Variants in CDC42SE2 observed in about 807,000 individuals in gnomAD.
CDC42SE2 encodes CDC42 small effector protein 2.
A neutral mutation model predicts 11.5 loss-of-function variants in CDC42SE2; 3 were observed. The ratio of observed to expected loss-of-function variants is 0.26; its 90% CI spans 0.12 to 0.67. CDC42SE2 has a LOEUF of 0.67. Ranked by LOEUF, CDC42SE2 falls within the 30% of genes least tolerant of loss-of-function variation. CDC42SE2 has a pLI of 0.80. For missense variants in CDC42SE2, 82 were observed against 106.8 expected (o/e 0.77, Z 1.02); for synonymous variants, 33 against 34.8 (o/e 0.95, Z 0.18).
the CDC42SE2 span, among the ~76,000 whole-genome samples, chr5:131,214,719 T>A: frequency 2.0e-5 from 3 of 152,012 alleles, no homozygotes; most frequent in African/African-American, 7.2e-5. Context: ...TTGTTCTGAA[T>A]TGAGGCAAGG....
intron 1 of CDC42SE2, among the ~76,000 whole-genome samples, chr5:131,246,648 C>T (rs1210951389): frequency 1.3e-5 from 2 of 151,758 alleles, no homozygotes; most frequent in African/African-American, 2.4e-5. Flanking sequence ...TCTTTAAATA[C>T]GTATGATGGT....
chr5:131,373,822 C>T (rs774392322), intron 3 of CDC42SE2, among the ~76,000 whole-genome samples: 3 of 151,820 alleles, frequency 2.0e-5, no homozygotes, highest in African/African-American at 4.8e-5. Flanking sequence ...AGGAACAAAT[C>T]GATAACAAGA....
chr5:131,358,053 C>G (rs1309252254), intron 2 of CDC42SE2, among the ~76,000 whole-genome samples: 1 of 152,138 alleles, frequency 6.6e-6, no homozygotes, highest in East Asian at 1.9e-4. Context: ...CTTTTTCTAC[C>G]TATGATTTAA....
At chr5:131,284,569 C>T (rs1396230583) in intron 1 of CDC42SE2, among the ~76,000 whole-genome samples, 1 of 152,158 alleles carries the variant, frequency 6.6e-6, no homozygotes, top group Non-Finnish European at 1.5e-5. Context: ...CTCCAGGGCT[C>T]AAGTAAGCCT....
chr5:131,280,870 T>C (rs1011155102), intron 1 of CDC42SE2, among the ~76,000 whole-genome samples: 10 of 152,230 alleles, frequency 6.6e-5, no homozygotes, highest in Non-Finnish European at 1.5e-4. Flanking sequence ...ACCCTTTTTA[T>C]GTGTGAGAAT....
intron 2 of CDC42SE2, among the ~76,000 whole-genome samples, chr5:131,346,570 G>A (rs542201558): frequency 1.6e-4 from 25 of 152,148 alleles, no homozygotes; most frequent in Middle Eastern, 3.4e-3. Context: ...TTTAACACCC[G>A]ACTGTCAGCA....
At chr5:131,355,171 C>T (rs1385463176) in intron 2 of CDC42SE2, among the ~76,000 whole-genome samples, 4 of 152,144 alleles carry the variant, frequency 2.6e-5, no homozygotes, top group Admixed American at 6.5e-5. Context: ...CCTGTATGCT[C>T]TTTATAATAT....
the CDC42SE2 span, among the ~76,000 whole-genome samples, chr5:131,231,433 A>G: frequency 2.0e-5 from 3 of 152,178 alleles, no homozygotes; most frequent in African/African-American, 4.8e-5. Context: ...TGCATAACAA[A>G]TCATGCAAAA....
chr5:131,213,516 G>A, the CDC42SE2 span, among the ~76,000 whole-genome samples: 2 of 152,120 alleles, frequency 1.3e-5, no homozygotes, highest in East Asian at 1.9e-4. Flanking sequence ...TGGCACAGTC[G>A]TGGCTCACTG....
intron 1 of CDC42SE2, among the ~76,000 whole-genome samples, chr5:131,265,135 T>A (rs1377687860): frequency 6.6e-6 from 1 of 152,146 alleles, no homozygotes; most frequent in East Asian, 1.9e-4. Context: ...TTGATATACG[T>A]TTTTTAGTTT....
At chr5:131,251,569 CTA>C (rs1302152684) in intron 1 of CDC42SE2, among the ~76,000 whole-genome samples, 1 of 151,632 alleles carries the variant, frequency 6.6e-6, no homozygotes, top group East Asian at 1.9e-4. Flanking sequence ...GAAAGCAAAA[CTA>C]AAAAAAGAAA....
At chr5:131,322,687 GTTC>G (rs1232397607) in intron 2 of CDC42SE2, among the ~76,000 whole-genome samples, 1 of 152,028 alleles carries the variant, frequency 6.6e-6, no homozygotes, top group East Asian at 1.9e-4. Flanking sequence ...TTGTTTATCT[GTTC>G]TTCTGTTGGT....
chr5:131,339,049 C>T (rs993931646), intron 2 of CDC42SE2, among the ~76,000 whole-genome samples: 7 of 151,748 alleles, frequency 4.6e-5, no homozygotes, highest in African/African-American at 1.4e-4. Flanking sequence ...AGATCGAGAC[C>T]ATACTGGCCA....
intron 2 of CDC42SE2, among the ~76,000 whole-genome samples, chr5:131,257,966 C>T (rs1269601053): frequency 6.6e-6 from 1 of 152,146 alleles, no homozygotes; most frequent in East Asian, 1.9e-4. Context: ...GGGGCTTCCT[C>T]AAGATACGGG....
At chr5:131,355,851 CAAAACTTCATGCAGGTAGG>C (rs1303695154) in intron 2 of CDC42SE2, among the ~76,000 whole-genome samples, 1 of 152,088 alleles carries the variant, frequency 6.6e-6, no homozygotes, top group East Asian at 1.9e-4. Flanking sequence ...TTGTCAGCAG[CAAAACTTCATGCAGGTAGG>C]AGGCTGGTAT....
chr5:131,226,954 C>G, the CDC42SE2 span, among the ~76,000 whole-genome samples: 10 of 152,172 alleles, frequency 6.6e-5, no homozygotes, highest in African/African-American at 2.4e-4. Context: ...CTAAGTAAGA[C>G]TATTTTAGAG....
At chr5:131,378,021 A>G (rs1750206042) in intron 3 of CDC42SE2, among the ~76,000 whole-genome samples, 1 of 152,228 alleles carries the variant, frequency 6.6e-6, no homozygotes. Context: ...CAGAACTCTT[A>G]GTAGTGTAGG....
At chr5:131,334,079 A>G (rs1008295923) in intron 2 of CDC42SE2, among the ~76,000 whole-genome samples, 2 of 152,128 alleles carry the variant, frequency 1.3e-5, no homozygotes, top group African/African-American at 2.4e-5. Context: ...TTATCCATTC[A>G]GTATGATATT....
chr5:131,226,073 C>T, the CDC42SE2 span, among the ~76,000 whole-genome samples: 3 of 152,136 alleles, frequency 2.0e-5, no homozygotes, highest in South Asian at 4.1e-4. Flanking sequence ...GATAATTGGT[C>T]CTGGGGTAGC....
Sources: allele counts gnomAD v4.1 joint callset (sites outside exome capture counted in the v4.1 genomes callset), GRCh38; gene constraint gnomAD v4.1.1; transcripts MANE v1.5; gene names NCBI Gene and HGNC (gene_info 2026-07-23, HGNC 2026-07-21).